NME7: variants seen among roughly 807,000 people sequenced by gnomAD.
NME7 encodes nucleoside diphosphate kinase 7.
Under a neutral mutation model 49.1 loss-of-function variants are expected in NME7, and 41 were observed. The ratio of observed to expected loss-of-function variants is 0.83; its 90% confidence interval spans 0.65 to 1.08. The LOEUF (loss-of-function observed/expected upper bound fraction) is 1.08, where lower values mean the gene tolerates loss of function less well. Ranked by LOEUF, NME7 falls within the 50% of genes least tolerant of loss-of-function variation. NME7 has a pLI of 0.00. For missense variants in NME7, 423 were observed against 463.4 expected (o/e 0.91, Z 0.80); for synonymous variants, 139 against 150.6 (o/e 0.92, Z 0.56).
chr1:169,321,939 G>GA (rs1421145850), intron 3 of NME7, among the ~76,000 whole-genome samples: 152 of 127,914 alleles, frequency 1.2e-3, no homozygotes, highest in African/African-American at 3.5e-3. Context: ...CACTCTACAG[G>GA]AAAAAAAAAC....
At chr1:169,133,192 T>C (rs1204786734) in intron 11 of NME7, among the ~76,000 whole-genome samples, 1 of 152,212 alleles carries the variant, frequency 6.6e-6, no homozygotes, top group Non-Finnish European at 1.5e-5. Context: ...GGGATTGGCC[T>C]AAGTCCTTAT....
At chr1:169,205,180 T>A (rs144007469) in intron 10 of NME7, among the ~76,000 whole-genome samples, 1 of 152,160 alleles carries the variant, frequency 6.6e-6, no homozygotes, top group African/African-American at 2.4e-5. Context: ...ACCACACTTT[T>A]AGTTTTTTCA....
chr1:169,319,966 A>AT (rs1270026342), intron 3 of NME7, among the ~76,000 whole-genome samples: 1 of 152,206 alleles, frequency 6.6e-6, no homozygotes, highest in Non-Finnish European at 1.5e-5. Flanking sequence ...TTCTTACTAA[A>AT]GATATAAGCT....
intron 7 of NME7, among the ~76,000 whole-genome samples, chr1:169,273,767 C>T (rs993972572): frequency 1.6e-5 from 2 of 123,180 alleles, no homozygotes; most frequent in African/African-American, 5.4e-5. Flanking sequence ...CAATTTCATC[C>T]ATGTCCCTAC....
intron 11 of NME7, among the ~76,000 whole-genome samples, chr1:169,167,437 T>C (rs897205099): frequency 1.3e-5 from 2 of 152,140 alleles, no homozygotes; most frequent in Admixed American, 1.3e-4. Context: ...ACCATTTTTC[T>C]TCATTTAATC....
chr1:169,167,795 T>A (rs550937967), intron 11 of NME7, among the ~76,000 whole-genome samples: 7 of 152,292 alleles, frequency 4.6e-5, no homozygotes, highest in African/African-American at 1.4e-4. Context: ...GCTATGGCAA[T>A]GAAAAGAAAT....
At position 169,253,316 on chromosome 1, in the gene NME7, T is replaced by C. The variant is rs1162961120; in HGVS notation, c.755-15629A>G. ...TGGATTCCTAGGTATTTTATTCTCTTTGAAGCAATTGTGAATGGGAGTTCA... is the reference window on the plus strand; with the variant it reads ...TGGATTCCTAGGTATTTTATTCTCTCTGAAGCAATTGTGAATGGGAGTTCA... On this transcript the variant is annotated intron_variant, in intron 7 of 11. Transcript: ENST00000367811. 5.3e-5 allele frequency among the ~76,000 whole-genome samples: 8 copies of C among 149,822 alleles called. No individual in the cohort carries two copies. The East Asian group carries it at 1.4e-3, about 26-fold the overall frequency.
intron 10 of NME7, among the ~76,000 whole-genome samples, chr1:169,179,282 G>A (rs757520255): frequency 1.3e-5 from 2 of 152,132 alleles, no homozygotes; most frequent in Non-Finnish European, 2.9e-5. Flanking sequence ...CAGTCAGAAT[G>A]GCTATTATTA....
At chr1:169,275,478 C>CAAAAA (rs57449323) in intron 7 of NME7, among the ~76,000 whole-genome samples, 24 of 29,870 alleles carry the variant, frequency 8.0e-4, no homozygotes, top group African/African-American at 2.3e-3. Flanking sequence ...AACTCCGTCT[C>CAAAAA]AAAAAAAAAA....
Position 169,367,789 on chromosome 1 carries a change from T to G in NME7, c.-79A>C. ...ACCACCACCACCATCATACGGTTAC[T>G]CAGGCAACAAAGCCCCGCCCACTGT... On this transcript the variant is annotated 5_prime_UTR_variant, in exon 1 of 12. Transcript: ENST00000367811. 1.3e-6 allele frequency: 2 copies of G among 1,588,896 alleles called. No homozygotes were observed. The highest frequency in any genetic ancestry group is 1.7e-6 in the Non-Finnish European group (2 of 1,157,958).
At chr1:169,294,806 T>C (rs1369149910) in intron 6 of NME7, among the ~76,000 whole-genome samples, 2 of 152,192 alleles carry the variant, frequency 1.3e-5, no homozygotes, top group African/African-American at 4.8e-5. Flanking sequence ...TTAAGACATT[T>C]CTTTAGGTGA....
intron 10 of NME7, among the ~76,000 whole-genome samples, chr1:169,178,100 A>C (rs1430379815): frequency 2.0e-5 from 3 of 152,062 alleles, no homozygotes; most frequent in Admixed American, 6.5e-5. Flanking sequence ...CGGCCTCCCA[A>C]AGTGCTGGGA....
At chr1:169,244,466 T>C (rs1456148819) in intron 7 of NME7, among the ~76,000 whole-genome samples, 1 of 151,708 alleles carries the variant, frequency 6.6e-6, no homozygotes, top group African/African-American at 2.4e-5. Context: ...ACCTCATCTC[T>C]ACTAAACAAA....
chr1:169,136,406 C>T lies in NME7; in HGVS notation c.1099-3589G>A, dbSNP rs187225155. On this transcript the variant is annotated intron_variant, in intron 11 of 11. Transcript: ENST00000367811. ...CCATGCCTACCATAAACGTTTGAAA[C>T]CTTTGCCTAGAGCAGGCCTTTCTTT... Among the ~76,000 whole-genome samples, 1,137 of 152,246 alleles carry T rather than the reference C, an allele frequency of 7.5e-3. 5 individuals carry two copies. The highest frequency in any genetic ancestry group is 0.013 in the South Asian group (65 of 4,822).
chr1:169,285,847 G>T (rs547879344), intron 7 of NME7: 2 of 152,056 alleles, frequency 1.3e-5, no homozygotes, highest in African/African-American at 2.4e-5. Flanking sequence ...AATTAAAGAA[G>T]TATTAATTAT....
chr1:169,294,361 A>T (rs1377066398), intron 6 of NME7, among the ~76,000 whole-genome samples: 1 of 152,202 alleles, frequency 6.6e-6, no homozygotes, highest in African/African-American at 2.4e-5. Flanking sequence ...ATTTTCAGGA[A>T]TGATGAAAAT....
chr1:169,171,135 A>G (rs1035031350), intron 10 of NME7, among the ~76,000 whole-genome samples: 2 of 152,178 alleles, frequency 1.3e-5, no homozygotes, highest in African/African-American at 4.8e-5. Context: ...GGCCAGGCTC[A>G]TACCTATAAT....
At chr1:169,202,015 C>A (rs942478793) in intron 10 of NME7, among the ~76,000 whole-genome samples, 1 of 152,068 alleles carries the variant, frequency 6.6e-6, no homozygotes, top group African/African-American at 2.4e-5. Context: ...GGGAGTCTGG[C>A]AGCAGCAGCA....
At position 169,310,066 on chromosome 1, in the gene NME7, A is replaced by T; in HGVS notation, c.293T>A (p.Ile98Asn). The change falls in exon 4 of 12, where the codon ATT becomes AAT. Residue 98 changes from isoleucine to asparagine, a missense_variant. Ile to Asn is a moderately radical substitution (Grantham distance 149, BLOSUM62 -3). Transcript: ENST00000367811. ...GSRKEKTLAL[I>N]KPDAISKAGE... ...AGCCTTTGATATTGCATCTGGTTTA[A>T]TTAGGGCTAGCGTTCTATAAGGAAA... 6.2e-7 allele frequency: 1 copy of T among 1,602,952 alleles called. No individual in the cohort carries two copies. Among genetic ancestry groups the T allele is most frequent in the Non-Finnish European group, 8.5e-7 (1 of 1,174,068 alleles).
Sources: allele counts gnomAD v4.1 joint callset (sites outside exome capture counted in the v4.1 genomes callset), GRCh38; gene constraint gnomAD v4.1.1; transcripts MANE v1.5; gene names NCBI Gene and HGNC (gene_info 2026-07-23, HGNC 2026-07-21).